Variants in GANC observed in about 807,000 individuals in gnomAD.
GANC encodes neutral alpha-glucosidase C.
Under a neutral mutation model 124.2 loss-of-function variants are expected in GANC, and 117 were observed. The observed-to-expected ratio is 0.94, with a 90% CI of 0.81 to 1.10. The LOEUF (loss-of-function observed/expected upper bound fraction) is 1.10. Ranked by LOEUF, GANC falls within the 50% of genes least tolerant of loss-of-function variation. The pLI is 0.00. For synonymous variants in GANC, 377 were observed against 376.8 expected, an observed-to-expected ratio of 1.00 and a Z score of -0.01; for missense variants, 1,140 against 1,095.0, an observed-to-expected ratio of 1.04 and a Z score of -0.58.
intron 18 of GANC, 82 bp downstream of exon 18, chr15:42,340,836 G>A (rs1362120707): frequency 2.5e-5 from 27 of 1,100,204 alleles, no homozygotes; most frequent in Admixed American, 9.1e-5. Context: ...ATGCTATCTC[G>A]GCTCACTGCA....
intron 5 of GANC, among the ~76,000 whole-genome samples, chr15:42,296,716 C>T (rs1177233710): frequency 6.6e-6 from 1 of 152,034 alleles, no homozygotes; most frequent in Non-Finnish European, 1.5e-5. Context: ...TAATTGGATT[C>T]CCACATATGT....
intron 16 of GANC, among the ~76,000 whole-genome samples, 187 bp from the exon 17 acceptor site, chr15:42,339,482 T>C (rs1003960348): frequency 2.6e-5 from 4 of 152,170 alleles, no homozygotes; most frequent in African/African-American, 9.7e-5. Flanking sequence ...TAAGAGCCCA[T>C]TGTCAGATCC....
intron 3 of GANC, chr15:42,283,904 C>G (rs767473178): frequency 1.4e-6 from 1 of 702,480 alleles, no homozygotes; most frequent in Non-Finnish European, 2.6e-6. Context: ...CAGTGCCCAG[C>G]GTGAGGTTGC....
Position 42,343,137 on chromosome 15 carries a change from C to T in GANC, c.2212C>T (p.Leu738Phe). The change falls in exon 19 of 24, where the codon CTT (leucine) becomes TTT (phenylalanine). Residue 738 changes from leucine (L) to phenylalanine (F), a missense_variant. Leu to Phe is a conservative substitution (Grantham distance 22). Transcript: ENST00000318010. ...EPKATTVDVFLPGSNEVWYDY... is the reference protein window; with the variant it reads ...EPKATTVDVFFPGSNEVWYDY... ...AAAAGCCACCACAGTTGATGTGTTT[C>T]TTCCAGGATCAAATGAGGTAAGAGT... The T allele has an allele frequency of 6.2e-7, 1 of 1,613,990 alleles. No homozygotes were observed. The highest frequency in any genetic ancestry group is 8.5e-7 in the Non-Finnish European group (1 of 1,179,882).
chr15:42,335,474 TAA>T (rs2052276848), intron 15 of GANC, among the ~76,000 whole-genome samples: 2 of 152,100 alleles, frequency 1.3e-5, no homozygotes, highest in Non-Finnish European at 2.9e-5. Flanking sequence ...CTCAAAATAA[TAA>T]GAGTCATATT....
At chr15:42,289,646 G>A (rs1481917198) in intron 4 of GANC, among the ~76,000 whole-genome samples, 4 of 152,124 alleles carry the variant, frequency 2.6e-5, no homozygotes, top group Admixed American at 2.6e-4. Context: ...TCTCAAGGAT[G>A]GGAGTATGAG....
chr15:42,340,655 T>C, intron 17 of GANC, 35 bp from the exon 18 acceptor site: 1 of 1,476,780 alleles, frequency 6.8e-7, no homozygotes, highest in Middle Eastern at 1.9e-4. Flanking sequence ...AAGATGTCTA[T>C]AATGTTAAAA....
At chr15:42,296,876 G>T (rs1365140317) in intron 5 of GANC, among the ~76,000 whole-genome samples, 1 of 145,360 alleles carries the variant, frequency 6.9e-6, no homozygotes, top group South Asian at 2.1e-4. Context: ...GGAAGATATG[G>T]TCTCACTATG....
At chr15:42,330,482 C>T in intron 14 of GANC, 94 bp from the exon 15 acceptor site, 1 of 778,018 alleles carries the variant, frequency 1.3e-6, no homozygotes, top group Non-Finnish European at 2.2e-6. Flanking sequence ...CATGCTCCTG[C>T]CTACTGTTTG....
Position 42,326,434 on chromosome 15 carries a change from C to T in GANC, c.1420+10C>T, listed in dbSNP as rs755976646. On this transcript the variant is annotated intron_variant, in intron 12 of 23. Coordinates refer to ENST00000318010, the MANE Select transcript of GANC (RefSeq NM_198141.3). ...GGGGTGTGTTGGCCAGGTATGAAAT[C>T]ACTTTATACACTTATTATTTCCACA... 9 of 1,613,558 alleles carry T rather than the reference C, an allele frequency of 5.6e-6. 1 individual carries two copies. The South Asian group carries it at 8.8e-5, about 16-fold the overall frequency.
chr15:42,332,055 G>A (rs754046900), intron 15 of GANC, among the ~76,000 whole-genome samples: 1 of 152,012 alleles, frequency 6.6e-6, no homozygotes, highest in Admixed American at 6.6e-5. Context: ...TACTAGGAAC[G>A]TTTAAATTAT....
Position 42,353,093 on chromosome 15 carries a change from T to C in GANC, c.*954T>C, listed in dbSNP as rs531882369. On this transcript the variant is annotated 3_prime_UTR_variant, in exon 24 of 24. Transcript: ENST00000318010. The stretch of plus-strand genomic sequence containing the variant: ...GGATTAGTATTACTGAGTTTTCCTT[T>C]TGTCCCAGGCTCTAATATGGCTTGG... The C allele has an allele frequency of 1.3e-4, 131 of 984,118 alleles. No individual in the cohort carries two copies. The African/African-American group carries it at 2.2e-3, about 17-fold the overall frequency. The allele number at this position is 984,118 out of a possible 1,614,324, so 61.0% of individuals were successfully genotyped here. A position where few individuals can be genotyped will look rare whatever the true frequency, so the allele number is the denominator to read the frequency against.
intron 15 of GANC, among the ~76,000 whole-genome samples, chr15:42,331,898 C>G (rs1443342239): frequency 2.0e-5 from 3 of 151,608 alleles, no homozygotes; most frequent in African/African-American, 7.3e-5. Flanking sequence ...AAAGGAACAC[C>G]TAAGTGTTTA....
At position 42,273,559 on chromosome 15, in the gene GANC, G is replaced by A; in HGVS notation, c.-923G>A. On this transcript the variant is annotated 5_prime_UTR_variant, in exon 1 of 24. It adds an upstream start codon to the 5' untranslated region. Transcript: ENST00000318010. The stretch of plus-strand genomic sequence containing the variant: ...CGGCCCCTCTCTCAGACAGTCGTCT[G>A]TGCGCCGTGAGACTTTGGACCTACT... 7.7e-7 allele frequency: 1 copy of A among 1,305,422 alleles called. No homozygotes were observed. The highest frequency in any genetic ancestry group is 1.4e-5 in the South Asian group (1 of 69,154). 80.9% of individuals were successfully genotyped at this position (1,305,422 alleles called of 1,614,324 possible).
Position 42,316,576 on chromosome 15 carries a change from C to T in GANC, c.1058-5209C>T, listed in dbSNP as rs539432201. Among the ~76,000 whole-genome samples, 10 of 152,302 alleles carry T rather than the reference C, an allele frequency of 6.6e-5. No individual in the cohort carries two copies. In the East Asian group the frequency reaches 1.2e-3, roughly 18 times the overall value. On this transcript the variant is annotated intron_variant, in intron 10 of 23. Coordinates refer to ENST00000318010, the MANE Select transcript of GANC (RefSeq NM_198141.3). The stretch of plus-strand genomic sequence containing the variant: ...TTAAGACTTTCACTATTTATTCTAC[C>T]GCTATCTACTATGAACTTAAAAGAG...
intron 10 of GANC, among the ~76,000 whole-genome samples, chr15:42,319,433 C>T (rs968210435): frequency 1.3e-5 from 2 of 152,162 alleles, no homozygotes; most frequent in South Asian, 4.1e-4. Flanking sequence ...CAGCCTCTAG[C>T]TCCTGGGCTC....
chr15:42,282,044 C>A (rs557335078), intron 3 of GANC, among the ~76,000 whole-genome samples: 3 of 152,048 alleles, frequency 2.0e-5, no homozygotes, highest in Non-Finnish European at 2.9e-5. Flanking sequence ...AAAATAAGGC[C>A]GAGTGCGGTG....
At chr15:42,308,408 A>G (rs2052018858) in intron 8 of GANC, 90 bp downstream of exon 8, 4 of 810,618 alleles carry the variant, frequency 4.9e-6, no homozygotes, top group Non-Finnish European at 8.3e-6. Context: ...GCCAGTGCTA[A>G]TATGTGCCAG....
chr15:42,288,463 A>G (rs2051812520), intron 4 of GANC, among the ~76,000 whole-genome samples: 1 of 152,152 alleles, frequency 6.6e-6, no homozygotes, highest in Non-Finnish European at 1.5e-5. Context: ...ATATTGTCAT[A>G]TTATTTCACT....
Sources: allele counts gnomAD v4.1 joint callset (sites outside exome capture counted in the v4.1 genomes callset), GRCh38; gene constraint gnomAD v4.1.1; transcripts MANE v1.5; gene names NCBI Gene and HGNC (gene_info 2026-07-23, HGNC 2026-07-21).